Variants in GRAMD4 observed in about 807,000 individuals in gnomAD.
GRAMD4 encodes the protein GRAM domain containing 4.
GRAMD4 carries 25 observed loss-of-function variants against 83.9 expected under a neutral mutation model. That is an observed-to-expected ratio of 0.30 (90% CI 0.22 to 0.42). The LOEUF (loss-of-function observed/expected upper bound fraction) is 0.42, where lower values mean the gene tolerates loss of function less well. GRAMD4 is among the 10% of genes least tolerant of loss of function. The pLI is 1.00. For missense variants in GRAMD4, 593 were observed against 788.7 expected (o/e 0.75, Z 2.97); for synonymous variants, 336 against 320.9 (o/e 1.05, Z -0.50).
At chr22:46,597,862 G>A (rs1286141718) in intron 1 of GRAMD4, among the ~76,000 whole-genome samples, 1 of 152,158 alleles carries the variant, frequency 6.6e-6, no homozygotes, top group Non-Finnish European at 1.5e-5. Context: ...GGCAAGTTTA[G>A]GTGACACGTT....
chr22:46,680,543 T>TGTCC (rs531762294), downstream of GRAMD4, among the ~76,000 whole-genome samples: 11,233 of 70,268 alleles, frequency 0.16, 1,477 homozygotes, highest in East Asian at 0.3. Context: ...CATCCACATC[T>TGTCC]GTCCGTCCGT....
Position 46,673,451 on chromosome 22 carries a change from C to T in GRAMD4, c.1240-219C>T, listed in dbSNP as rs374657815. Among the ~76,000 whole-genome samples, 387 of 152,376 alleles carry T rather than the reference C, an allele frequency of 2.5e-3. 3 individuals are homozygous for T. In the South Asian group the frequency reaches 0.026, roughly 10 times the overall value. On this transcript the variant is annotated intron_variant, in intron 14 of 18. Coordinates refer to ENST00000406902, the MANE Select transcript of GRAMD4 (RefSeq NM_015124.5). ...AATGAGCAGGCCTCGGTGCTCCCTT[C>T]GGGGTGGCTCAGATGAGTCAGGAGG...
At chr22:46,679,893 C>T (rs2146524221), downstream of GRAMD4, 1 of 629,514 alleles carries the variant, frequency 1.6e-6, no homozygotes, top group Non-Finnish European at 2.0e-6. Context: ...CCCGCCACTC[C>T]CTGGGGCCCC....
intron 3 of GRAMD4, among the ~76,000 whole-genome samples, chr22:46,644,473 C>T (rs1025530367): frequency 8.6e-6 from 1 of 116,594 alleles, no homozygotes; most frequent in Admixed American, 9.0e-5. Flanking sequence ...CACCTGTCCC[C>T]GTTGCAGGTT....
At chr22:46,646,801 T>G (rs2082078657) in intron 3 of GRAMD4, among the ~76,000 whole-genome samples, 2 of 152,144 alleles carry the variant, frequency 1.3e-5, no homozygotes, top group African/African-American at 4.8e-5. Context: ...AGACTGGCGC[T>G]TTACAAACAA....
At chr22:46,627,281 G>A (rs990850273) in intron 2 of GRAMD4, among the ~76,000 whole-genome samples, 1 of 152,218 alleles carries the variant, frequency 6.6e-6, no homozygotes, top group East Asian at 1.9e-4. Flanking sequence ...GTTGACATGC[G>A]GATGGAGCAG....
At chr22:46,616,294 G>A (rs1357735877), upstream of GRAMD4, among the ~76,000 whole-genome samples, 3 of 35,838 alleles carry the variant, frequency 8.4e-5, 1 homozygote, top group African/African-American at 2.9e-4. Context: ...TCCCCTGTGT[G>A]TGTGGCTTCC....
intron 3 of GRAMD4, among the ~76,000 whole-genome samples, chr22:46,656,406 C>G (rs1418340653): frequency 1.3e-5 from 2 of 152,192 alleles, no homozygotes; most frequent in Admixed American, 1.3e-4. Flanking sequence ...GTTTACTGAC[C>G]CTAGTCCACC....
At chr22:46,604,115 G>A (rs188867849) in intron 1 of GRAMD4, among the ~76,000 whole-genome samples, 6 of 152,206 alleles carry the variant, frequency 3.9e-5, no homozygotes, top group Admixed American at 1.3e-4. Context: ...GTACCTTCTC[G>A]TGGCTCTGTT....
chr22:46,608,453 C>T (rs938345885), intron 1 of GRAMD4, among the ~76,000 whole-genome samples: 1 of 151,902 alleles, frequency 6.6e-6, no homozygotes, highest in Admixed American at 6.6e-5. Context: ...CCGAGGCAGG[C>T]GGATCACCCG....
At chr22:46,619,269 G>A (rs2081542026), upstream of GRAMD4, among the ~76,000 whole-genome samples, 1 of 152,166 alleles carries the variant, frequency 6.6e-6, no homozygotes, top group Admixed American at 6.5e-5. Context: ...CTGGGTCCTT[G>A]GGCCTCTTTG....
At chr22:46,610,836 T>A (rs767379414) in intron 1 of GRAMD4, among the ~76,000 whole-genome samples, 4 of 152,218 alleles carry the variant, frequency 2.6e-5, no homozygotes, top group African/African-American at 4.8e-5. Context: ...TGGCTTAGTG[T>A]ATTTGCTTCT....
rs1601583723 is a variant in GRAMD4, at chr22:46,624,470, A to G, written c.-49-2281A>G. The stretch of plus-strand genomic sequence containing the variant: ...CCGTCTCCTGAGTAGCTGGGACTAC[A>G]GGTGCCCGCCACCACACCCAGCTAA... On this transcript the variant is annotated intron_variant, in intron 1 of 18. Transcript: ENST00000406902. 4.6e-5 allele frequency among the ~76,000 whole-genome samples: 7 copies of G among 151,802 alleles called. No individual in the cohort carries two copies. The South Asian group carries it at 1.5e-3, about 32-fold the overall frequency.
intron 2 of GRAMD4, among the ~76,000 whole-genome samples, chr22:46,631,451 G>A (rs1277878132): frequency 7.5e-5 from 11 of 146,988 alleles, no homozygotes; most frequent in African/African-American, 2.0e-4. Flanking sequence ...CCTGGGGACC[G>A]GGGATGGGTA....
chr22:46,681,204 G>A (rs971556329), downstream of GRAMD4, among the ~76,000 whole-genome samples: 3 of 152,088 alleles, frequency 2.0e-5, no homozygotes, highest in Non-Finnish European at 2.9e-5. Flanking sequence ...GCCCATGGCA[G>A]GTGTCACTGG....
chr22:46,644,268 C>A (rs980334003), intron 3 of GRAMD4, among the ~76,000 whole-genome samples: 1 of 152,110 alleles, frequency 6.6e-6, no homozygotes, highest in Non-Finnish European at 1.5e-5. Context: ...CGTATTACAT[C>A]TGTCCCTGTT....
At chr22:46,611,044 A>G (rs1905577839) in intron 1 of GRAMD4, among the ~76,000 whole-genome samples, 1 of 151,854 alleles carries the variant, frequency 6.6e-6, no homozygotes, top group South Asian at 2.1e-4. Flanking sequence ...GTGAAACCCC[A>G]TCTCTACTAA....
rs946687776 is a variant in GRAMD4, at chr22:46,679,389, G to C, written c.*2138G>C. The C allele has an allele frequency of 8.1e-6, 8 of 985,266 alleles. No homozygotes were observed. Among genetic ancestry groups the C allele is most frequent in the Non-Finnish European group, 9.6e-6 (8 of 829,886 alleles). 61.0% of individuals were successfully genotyped at this position (985,266 alleles called of 1,614,324 possible). On this transcript the variant is annotated 3_prime_UTR_variant, in exon 19 of 19. Coordinates refer to ENST00000406902, the MANE Select transcript of GRAMD4 (RefSeq NM_015124.5). The stretch of plus-strand genomic sequence containing the variant: ...GGCCACATTCGGGGAGCGGGGGGTC[G>C]GGGGAGGGCCACCGACTGGCTCTGC...
At chr22:46,669,211 T>G (rs1348016909) in intron 13 of GRAMD4, among the ~76,000 whole-genome samples, 2 of 152,184 alleles carry the variant, frequency 1.3e-5, no homozygotes, top group Non-Finnish European at 2.9e-5. Flanking sequence ...GGAATTGCCC[T>G]GGGCAGGACA....
Sources: allele counts gnomAD v4.1 joint callset (sites outside exome capture counted in the v4.1 genomes callset), GRCh38; gene constraint gnomAD v4.1.1; transcripts MANE v1.5; gene names NCBI Gene and HGNC (gene_info 2026-07-23, HGNC 2026-07-21).